The following TPD52L2 variants were observed in gnomAD, a reference collection of about 807,000 sequenced individuals.
The protein encoded by TPD52L2 is TPD52 like 2.
Under a neutral mutation model 24.7 loss-of-function variants are expected in TPD52L2, and 19 were observed. The ratio of observed to expected loss-of-function variants is 0.77; its 90% CI spans 0.54 to 1.13. The LOEUF (loss-of-function observed/expected upper bound fraction) is 1.13, where lower values mean the gene tolerates loss of function less well. Among genes scored for constraint, TPD52L2 ranks in the 50% most tolerant of loss-of-function variants. TPD52L2 has a pLI of 0.00. For missense variants in TPD52L2, 236 were observed against 250.4 expected (o/e 0.94, Z 0.39); for synonymous variants, 104 against 100.2 (o/e 1.04, Z -0.23).
At chr20:63,865,856 C>T (rs936821393) in intron 1 of TPD52L2, among the ~76,000 whole-genome samples, 4 of 152,206 alleles carry the variant, frequency 2.6e-5, no homozygotes, top group Non-Finnish European at 5.9e-5. Context: ...CAGCAGAGCT[C>T]CCCTTGGGCA....
chr20:63,869,128 G>GC (rs1248152966), intron 1 of TPD52L2, among the ~76,000 whole-genome samples, 168 bp from the exon 2 acceptor site: 1 of 152,180 alleles, frequency 6.6e-6, no homozygotes, highest in African/African-American at 2.4e-5. Context: ...AGGTGTGGCT[G>GC]CCCTCGTCTA....
chr20:63,882,519 C>T (rs2052939598), intron 4 of TPD52L2, among the ~76,000 whole-genome samples, 200 bp from the exon 5 acceptor site: 2 of 152,230 alleles, frequency 1.3e-5, no homozygotes, highest in East Asian at 1.9e-4. Flanking sequence ...AATGCACAGG[C>T]GGCTCCTCGC....
rs1456586308 is a variant in TPD52L2, at chr20:63,887,205, T to G, written c.477-1985T>G. 3 of 385,736 alleles carry G rather than the reference T, an allele frequency of 7.8e-6. No homozygotes were observed. In the East Asian group the frequency reaches 1.9e-4, roughly 25 times the overall value. 23.9% of individuals were successfully genotyped at this position (385,736 alleles called of 1,614,324 possible). ...CCAGAACAATCTGTGATTTCTTGTG[T>G]TTTTACTTGACTTGGTGGTTTCTCT... is the stretch of plus-strand genomic sequence containing the variant. On this transcript the variant is annotated intron_variant, in intron 5 of 6. Coordinates refer to ENST00000346249, the MANE Select transcript of TPD52L2 (RefSeq NM_003288.4).
chr20:63,866,671 T>A (rs1025784210), intron 1 of TPD52L2, among the ~76,000 whole-genome samples: 1 of 149,880 alleles, frequency 6.7e-6, no homozygotes, highest in African/African-American at 2.5e-5. Context: ...CTGTTAGCCA[T>A]GACGGTCTTG....
intron 3 of TPD52L2, among the ~76,000 whole-genome samples, chr20:63,874,218 ATTTT>A (rs532097736): frequency 2.2e-5 from 3 of 133,622 alleles, no homozygotes; most frequent in African/African-American, 5.6e-5. Flanking sequence ...CGCCCGGCTG[ATTTT>A]TTTTTTTGTG....
At chr20:63,875,987 G>A in intron 4 of TPD52L2, 112 bp downstream of exon 4, 4 of 1,112,072 alleles carry the variant, frequency 3.6e-6, no homozygotes, top group Non-Finnish European at 5.3e-6. Flanking sequence ...GTATTTGCTG[G>A]CTATTTTTTC....
At chr20:63,874,349 G>A (rs2052586454) in intron 3 of TPD52L2, among the ~76,000 whole-genome samples, 1 of 149,274 alleles carries the variant, frequency 6.7e-6, no homozygotes, top group Non-Finnish European at 1.5e-5. Flanking sequence ...CAAAGTGCTG[G>A]CCACCACGCT....
chr20:63,882,531 G>A (rs748818282), intron 4 of TPD52L2, among the ~76,000 whole-genome samples, 188 bp from the exon 5 acceptor site: 4 of 152,228 alleles, frequency 2.6e-5, no homozygotes, highest in Non-Finnish European at 5.9e-5. Flanking sequence ...GCTCCTCGCC[G>A]CAGGGGCCTC....
Position 63,865,308 on chromosome 20 carries a change from G to C in TPD52L2, c.-58G>C, listed in dbSNP as rs4809373. The C allele has an allele frequency of 0.038, 57,166 of 1,494,456 alleles. 2,969 individuals carry two copies. Among genetic ancestry groups the C allele is most frequent in the East Asian group, 0.27 (10,387 of 37,976 alleles). 92.6% of individuals were successfully genotyped at this position (1,494,456 alleles called of 1,614,324 possible). A position where few individuals can be genotyped will look rare whatever the true frequency, so the allele number is the denominator to read the frequency against. On this transcript the variant is annotated 5_prime_UTR_variant, in exon 1 of 7. Coordinates refer to ENST00000346249, the MANE Select transcript of TPD52L2 (RefSeq NM_003288.4). ...AGTGTGTACGCGGCGAGCTTCTCCC[G>C]GCGCCGCCCGCTCGGCTCCCATAGC...
At chr20:63,868,468 G>A (rs920026188) in intron 1 of TPD52L2, among the ~76,000 whole-genome samples, 49 of 152,362 alleles carry the variant, frequency 3.2e-4, no homozygotes, top group African/African-American at 1.2e-3. Flanking sequence ...GCGGCCTTCT[G>A]GCAGTGGGAT....
rs2146209819 is a variant in TPD52L2, at chr20:63,877,291, C to T, written c.374+1416C>T. 6.5e-6 allele frequency: 2 copies of T among 305,438 alleles called. No individual in the cohort carries two copies. The highest frequency in any genetic ancestry group is 6.3e-6 in the Non-Finnish European group (1 of 157,510). 18.9% of individuals were successfully genotyped at this position (305,438 alleles called of 1,614,324 possible). ...CCGCCTGCCTCAGCCTCCCAAAGTG[C>T]TGGGACTACAGGCGCCCACCACCAC... On this transcript the variant is annotated intron_variant, in intron 4 of 6. Coordinates refer to ENST00000346249, the MANE Select transcript of TPD52L2 (RefSeq NM_003288.4). The surrounding 1 kb of genome is among the most constrained non-coding windows in gnomAD (Gnocchi z 4.1).
chr20:63,889,976 C>G lies in TPD52L2; in HGVS notation c.*31C>G. On this transcript the variant is annotated 3_prime_UTR_variant, in exon 7 of 7. Transcript: ENST00000346249. Reference sequence around the variant, plus strand: ...TGGTTGCTTCACCCGCTGCAGAGCACACGCAACCCAGCCTCAGCATCACAG... The same window carrying G: ...TGGTTGCTTCACCCGCTGCAGAGCAGACGCAACCCAGCCTCAGCATCACAG... 1 of 1,612,824 alleles carries G rather than the reference C, an allele frequency of 6.2e-7. No homozygotes were observed. Among genetic ancestry groups the G allele is most frequent in the Non-Finnish European group, 8.5e-7 (1 of 1,179,850 alleles).
chr20:63,890,780 A>G lies in TPD52L2; in HGVS notation c.*835A>G, dbSNP rs2053295899. ...TGTCACGCACACTCCATCCCAGTGTACAAAACCTGCTTCTCTTCTCAACCG... is the reference window on the plus strand; with the variant it reads ...TGTCACGCACACTCCATCCCAGTGTGCAAAACCTGCTTCTCTTCTCAACCG... On this transcript the variant is annotated 3_prime_UTR_variant, in exon 7 of 7. Coordinates refer to ENST00000346249, the MANE Select transcript of TPD52L2 (RefSeq NM_003288.4). The G allele has an allele frequency of 6.6e-6, 1 of 152,410 alleles. No individual in the cohort carries two copies. The highest frequency in any genetic ancestry group is 2.4e-5 in the African/African-American group (1 of 41,454). 9.4% of individuals were successfully genotyped at this position (152,410 alleles called of 1,614,324 possible).
chr20:63,886,154 T>A (rs1168130804), intron 5 of TPD52L2: 1 of 1,087,816 alleles, frequency 9.2e-7, no homozygotes, highest in Admixed American at 1.7e-5. Flanking sequence ...GAAAGTGGGA[T>A]CACCCCTTCC....
In TPD52L2 at chr20:63,873,934, G is replaced by A; in HGVS notation, c.314+118G>A. The A allele has an allele frequency of 2.3e-5, 28 of 1,216,546 alleles. 3 individuals are homozygous for A. In the South Asian group the frequency reaches 5.0e-4, roughly 22 times the overall value. The allele number at this position is 1,216,546 out of a possible 1,614,324, so 75.4% of individuals were successfully genotyped here. On this transcript the variant is annotated intron_variant, in intron 3 of 6. Coordinates refer to ENST00000346249, the MANE Select transcript of TPD52L2 (RefSeq NM_003288.4). ...ACGAGTTGCAGCCGTGGAGTTGAGT[G>A]GCCTGTTTGGAAGGATCCAGAGAGA...
intron 4 of TPD52L2, among the ~76,000 whole-genome samples, chr20:63,880,499 T>A (rs2052852223): frequency 6.6e-6 from 1 of 152,296 alleles, no homozygotes; most frequent in African/African-American, 2.4e-5. Flanking sequence ...TAGAATCCTC[T>A]GCTGCAGGTG....
At chr20:63,887,796 G>A in intron 5 of TPD52L2, 1 of 624,986 alleles carries the variant, frequency 1.6e-6, no homozygotes, top group Non-Finnish European at 2.8e-6. Context: ...CTGGTAGGGG[G>A]TCAGGCTCTT....
intron 1 of TPD52L2, among the ~76,000 whole-genome samples, chr20:63,866,554 G>A (rs529492949): frequency 6.6e-6 from 1 of 151,968 alleles, no homozygotes; most frequent in South Asian, 2.1e-4. Context: ...TCCGCCTCCC[G>A]GGTTCACTGC....
At chr20:63,879,280 G>A (rs930118626) in intron 4 of TPD52L2, among the ~76,000 whole-genome samples, 3 of 152,186 alleles carry the variant, frequency 2.0e-5, no homozygotes, top group Non-Finnish European at 4.4e-5. Context: ...CAATGCTGAG[G>A]GCTGTGGGGC....
Sources: allele counts gnomAD v4.1 joint callset (sites outside exome capture counted in the v4.1 genomes callset), GRCh38; gene constraint gnomAD v4.1.1; non-coding constraint Gnocchi (gnomAD v3.1); transcripts MANE v1.5; gene names NCBI Gene and HGNC (gene_info 2026-07-23, HGNC 2026-07-21).